Variants in ANKAR observed in about 807,000 individuals in gnomAD.
ANKAR encodes ankyrin and armadillo repeat containing, also known as ankyrin and armadillo repeat-containing protein.
ANKAR carries 136 observed loss-of-function variants against 146.2 expected under a neutral mutation model. The observed-to-expected ratio is 0.93, with a 90% CI of 0.81 to 1.07. The LOEUF (loss-of-function observed/expected upper bound fraction) is 1.07, where lower values mean the gene tolerates loss of function less well. Among genes scored for constraint, ANKAR ranks in the 50% least tolerant of loss-of-function variants. The pLI is 0.00. For missense variants in ANKAR, 1,567 were observed against 1,679.9 expected (o/e 0.93, Z 1.18); for synonymous variants, 500 against 575.8 (o/e 0.87, Z 1.88).
At chr2:189,703,445 GATC>G (rs1161581904) in intron 7 of ANKAR, among the ~76,000 whole-genome samples, 1 of 152,120 alleles carries the variant, frequency 6.6e-6, no homozygotes, top group African/African-American at 2.4e-5. Context: ...CAACTGGCTG[GATC>G]ATCATATCTC....
In ANKAR at chr2:189,746,501, T is replaced by C. The variant is rs1395237974; in HGVS notation, c.4179T>C (p.His1393=). The part of the protein sequence containing the change: ...FKATKKTKDS[H]NIFSFSSTIT... ...CAACAAAAAAGACCAAGGATTCCCATAATATTTTTTCTTTTTCATCTACAA... is the reference window on the plus strand; with the variant it reads ...CAACAAAAAAGACCAAGGATTCCCACAATATTTTTTCTTTTTCATCTACAA... The change falls in exon 23 of 23, where the codon CAT becomes CAC. Residue 1393 remains histidine, a synonymous_variant. Transcript: ENST00000684021. 6.2e-7 allele frequency: 1 copy of C among 1,613,920 alleles called. No homozygotes were observed. Among genetic ancestry groups the C allele is most frequent in the Non-Finnish European group, 8.5e-7 (1 of 1,179,914 alleles).
At chr2:189,694,038 C>A (rs760550711) in intron 5 of ANKAR, among the ~76,000 whole-genome samples, 7 of 152,046 alleles carry the variant, frequency 4.6e-5, no homozygotes, top group Admixed American at 1.3e-4. Flanking sequence ...CATGAGCCAC[C>A]ATGCCTGTCC....
At chr2:189,750,563 T>C (rs1160636022), downstream of ANKAR, 1 of 1,475,356 alleles carries the variant, frequency 6.8e-7, no homozygotes, top group Non-Finnish European at 9.3e-7. Context: ...TAGGGACTTT[T>C]TTGAACAGCA....
chr2:189,753,812 T>C (rs2045656715), intron 18 of ANKAR: 2 of 1,212,322 alleles, frequency 1.6e-6, no homozygotes, highest in Non-Finnish European at 2.3e-6. Context: ...AGGGCTAGCA[T>C]AAGGCATAAA....
chr2:189,761,423 A>T (rs770591002), downstream of ANKAR: 1 of 1,596,886 alleles, frequency 6.3e-7, no homozygotes. Flanking sequence ...TACTTACTTT[A>T]AATGAACTTC....
chr2:189,752,739 T>C lies in ANKAR; in HGVS notation c.*584+7951T>C, dbSNP rs965394530. ...CAATACCATTCCTAAATAAGAAGCA[T>C]TAAAATAAAATCAATAGCTCCAAGA... On this transcript the variant is annotated intron_variant and NMD_transcript_variant, in intron 18 of 18. Coordinates refer to the ANKAR transcript ENST00000441800. 3.7e-6 allele frequency: 6 copies of C among 1,613,722 alleles called. No homozygotes were observed. The Admixed American group carries it at 8.3e-5, about 22-fold the overall frequency.
In ANKAR at chr2:189,705,167, T is replaced by C. The variant is rs1439047253; in HGVS notation, c.1853T>C (p.Ile618Thr). The C allele has an allele frequency of 1.9e-6, 3 of 1,614,182 alleles. No individual in the cohort carries two copies. ...GCCGCTTTCTATGACAACGTTTGCA[T>C]CATTATTGCTCTCTGTAGGAAGGAT... Reference protein sequence around the residue: ...HFAAFYDNVCIIIALCRKDPS... With the variant: ...HFAAFYDNVCTIIALCRKDPS... The change falls in exon 8 of 23, where the codon ATC (isoleucine) becomes ACC (threonine). Residue 618 changes from isoleucine (I) to threonine (T), a missense_variant. Physicochemically the swap from Ile to Thr is moderately conservative, Grantham distance 89. Transcript: ENST00000684021.
downstream of ANKAR, among the ~76,000 whole-genome samples, chr2:189,750,951 ATATCT>A (rs1389068252): frequency 6.6e-6 from 1 of 152,226 alleles, no homozygotes; most frequent in African/African-American, 2.4e-5. Flanking sequence ...ATAATGAAAA[ATATCT>A]TATAATTCTC....
rs2042316862 is a variant in ANKAR at position 189,730,588 on chromosome 2, C to T, written c.3287C>T (p.Ser1096Phe). ...ATCCAACTACTAAGAAATCACCCTT[C>T]TCCTAACATTAAGGTATAAAGGTTT... ...VLIQLLRNHP[S>F]PNIKVEVAFS... The change falls in exon 16 of 23, where the codon TCT (serine) becomes TTT (phenylalanine). Residue 1096 changes from serine to phenylalanine, a missense_variant. Transcript: ENST00000684021. 1 of 1,575,570 alleles carries T rather than the reference C, an allele frequency of 6.3e-7. No individual in the cohort carries two copies. The highest frequency in any genetic ancestry group is 1.1e-5 in the South Asian group (1 of 88,478).
Position 189,728,362 on chromosome 2 carries a change from T to C in ANKAR, c.2973T>C (p.Ile991=). ...LKQQKYMAEQ[I]GYSFIINMLL... is the part of the protein sequence containing the mutation. Reference sequence around the variant, plus strand: ...AACAAAAATATATGGCAGAACAAATTGGATACAGCTTTATAATAAATATGC... The same window carrying C: ...AACAAAAATATATGGCAGAACAAATCGGATACAGCTTTATAATAAATATGC... The change falls in exon 14 of 23, where the codon ATT becomes ATC. Residue 991 remains isoleucine, a synonymous_variant. Coordinates refer to ENST00000684021, the MANE Select transcript of ANKAR (RefSeq NM_001378068.1). The C allele has an allele frequency of 6.2e-7, 1 of 1,612,882 alleles. No homozygotes were observed. Among genetic ancestry groups the C allele is most frequent in the East Asian group, 2.2e-5 (1 of 44,860 alleles).
intron 7 of ANKAR, among the ~76,000 whole-genome samples, chr2:189,701,923 C>G (rs1019585207): frequency 6.6e-6 from 1 of 152,026 alleles, no homozygotes; most frequent in Non-Finnish European, 1.5e-5. Flanking sequence ...TTAAATAGGC[C>G]TTTAATAATG....
At chr2:189,747,451 A>G (rs1462071055), downstream of ANKAR, 1 of 152,252 alleles carries the variant, frequency 6.6e-6, no homozygotes, top group African/African-American at 2.4e-5. Context: ...TTTATTTAAA[A>G]ATAAAATCTG....
chr2:189,727,727 A>G (rs1244328262), intron 12 of ANKAR, 129 bp from the exon 13 acceptor site: 8 of 1,196,578 alleles, frequency 6.7e-6, no homozygotes, highest in African/African-American at 1.5e-5. Context: ...GTTTATTTCT[A>G]TTTTTCTTTA....
chr2:189,725,777 A>C (rs1681171359), intron 12 of ANKAR, among the ~76,000 whole-genome samples: 1 of 152,088 alleles, frequency 6.6e-6, no homozygotes, highest in Admixed American at 6.6e-5. Context: ...GCATGGTGGC[A>C]CATGCCTGTA....
intron 2 of ANKAR, among the ~76,000 whole-genome samples, chr2:189,680,790 G>C (rs2034532286): frequency 6.6e-6 from 1 of 152,028 alleles, no homozygotes; most frequent in African/African-American, 2.4e-5. Flanking sequence ...TGTGGTCTGA[G>C]AGGATACTTG....
chr2:189,753,109 A>C, intron 18 of ANKAR: 1 of 713,490 alleles, frequency 1.4e-6, no homozygotes, highest in South Asian at 3.6e-5. Flanking sequence ...TAATGGGCAG[A>C]TGACATATCT....
rs200883923 is a variant in ANKAR at position 189,755,406 on chromosome 2, C to T, written c.*585-5692C>T. ...AGCTGTAAGCTAAATGATAAGCCCA[C>T]TCCCAGGCTTAAAGCAAGTCCTGGT... On this transcript the variant is annotated intron_variant and NMD_transcript_variant, in intron 18 of 18. Coordinates refer to the ANKAR transcript ENST00000441800. 133 of 1,611,694 alleles carry T rather than the reference C, an allele frequency of 8.3e-5. No individual in the cohort carries two copies. Among genetic ancestry groups the T allele is most frequent in the Admixed American group, 8.4e-5 (5 of 59,212 alleles).
chr2:189,705,056 G>T lies in ANKAR; in HGVS notation c.1742G>T (p.Cys581Phe), dbSNP rs1243896439. The T allele has an allele frequency of 1.9e-6, 3 of 1,613,990 alleles. No individual in the cohort carries two copies. Among genetic ancestry groups the T allele is most frequent in the Non-Finnish European group, 2.5e-6 (3 of 1,179,978 alleles). Residue 581 changes from cysteine to phenylalanine, a missense_variant, in exon 8 of 23, where the codon TGC becomes TTC. By Grantham distance (205) the Cys-to-Phe change is radical. Transcript: ENST00000684021. ...PTPLHLAAQA[C>F]SLETTVCLLC... ...CCTCTACACCTTGCTGCACAGGCTT[G>T]CTCATTAGAAACAACAGTTTGTCTA...
At position 189,695,162 on chromosome 2, in the gene ANKAR, G is replaced by GT; in HGVS notation, c.1488+2dup. 6.3e-7 allele frequency: 1 copy of GT among 1,596,216 alleles called. No homozygotes were observed. Among genetic ancestry groups the GT allele is most frequent in the Middle Eastern group, 1.9e-4 (1 of 5,340 alleles). On this transcript the variant is annotated splice_donor_variant, in intron 6 of 22. Coordinates refer to ENST00000684021, the MANE Select transcript of ANKAR (RefSeq NM_001378068.1). LOFTEE classifies it high-confidence loss of function. ...TTTCAAAAGAGCTATGAAATGCAAG[G>GT]TATTTCAGTGACTACCACATAATTT...
Sources: allele counts gnomAD v4.1 joint callset (sites outside exome capture counted in the v4.1 genomes callset), GRCh38; gene constraint gnomAD v4.1.1; transcripts MANE v1.5; gene names NCBI Gene and HGNC (gene_info 2026-07-23, HGNC 2026-07-21).